The following APOLD1 variants were observed in gnomAD, a reference collection of about 807,000 sequenced individuals.
APOLD1 encodes the protein apolipoprotein L domain-containing protein 1.
Under a neutral mutation model 15.3 loss-of-function variants are expected in APOLD1, and 22 were observed. That is an observed-to-expected ratio of 1.44 (90% CI 1.03 to 2.05). The LOEUF is 2.05. Among genes scored for constraint, APOLD1 ranks in the 30% most tolerant of loss-of-function variants. APOLD1 has a pLI of 0.00. For synonymous variants in APOLD1, 190 were observed against 167.4 expected, an observed-to-expected ratio of 1.13 and a Z score of -1.04; for missense variants, 394 against 353.5, an observed-to-expected ratio of 1.11 and a Z score of -0.92.
chr12:12,726,009 C>A, exon 1 of APOLD1: 7 of 1,518,302 alleles, frequency 4.6e-6, no homozygotes, highest in Non-Finnish European at 6.2e-6. Context: ...GGATGTTCCG[C>A]GCGCCGTGTC....
chr12:12,766,146 T>C (rs1592302830), intron 1 of APOLD1, among the ~76,000 whole-genome samples: 1 of 152,224 alleles, frequency 6.6e-6, no homozygotes, highest in African/African-American at 2.4e-5. Context: ...GGGAATATAA[T>C]GGGAATAATA....
chr12:12,771,175 AG>A (rs368402477), intron 1 of APOLD1, among the ~76,000 whole-genome samples: 62 of 152,356 alleles, frequency 4.1e-4, no homozygotes, highest in African/African-American at 1.4e-3. Context: ...CATCCGAGTC[AG>A]TGAAGATAAA....
chr12:12,786,466 C>G (rs1403416137), intron 1 of APOLD1, among the ~76,000 whole-genome samples: 2 of 152,056 alleles, frequency 1.3e-5, no homozygotes, highest in Non-Finnish European at 1.5e-5. Context: ...TGTTGCAAAA[C>G]TCCTAGGATC....
intron 1 of APOLD1, among the ~76,000 whole-genome samples, chr12:12,775,771 G>A (rs1469735473): frequency 2.0e-5 from 3 of 152,098 alleles, no homozygotes; most frequent in Non-Finnish European, 4.4e-5. Flanking sequence ...AGACCAAGGC[G>A]AGAGGATTGC....
chr12:12,726,695 T>C (rs1426098918), intron 1 of APOLD1, among the ~76,000 whole-genome samples: 1 of 152,238 alleles, frequency 6.6e-6, no homozygotes, highest in Non-Finnish European at 1.5e-5. Flanking sequence ...TGACATTTTT[T>C]AGTTCTTAAC....
At chr12:12,781,656 T>C (rs1481850690), upstream of APOLD1, among the ~76,000 whole-genome samples, 1 of 149,292 alleles carries the variant, frequency 6.7e-6, no homozygotes, top group African/African-American at 2.5e-5. Flanking sequence ...GCCTCCCGAA[T>C]AGCTGGGACT....
chr12:12,748,355 G>A (rs1488629511), intron 1 of APOLD1, among the ~76,000 whole-genome samples: 1 of 152,088 alleles, frequency 6.6e-6, no homozygotes, highest in African/African-American at 2.4e-5. Context: ...AAGGTGGAGG[G>A]GCTAAGTTTG....
At chr12:12,783,137 C>T (rs1208399904), upstream of APOLD1, among the ~76,000 whole-genome samples, 6 of 152,052 alleles carry the variant, frequency 3.9e-5, no homozygotes, top group Non-Finnish European at 7.4e-5. Flanking sequence ...ATCTGGGAGG[C>T]GGAGATTGCA....
At chr12:12,758,503 C>T (rs1047846594) in intron 1 of APOLD1, among the ~76,000 whole-genome samples, 2 of 152,052 alleles carry the variant, frequency 1.3e-5, no homozygotes, top group African/African-American at 2.4e-5. Context: ...CAAGATTGCA[C>T]CACTGCACTC....
intron 1 of APOLD1, among the ~76,000 whole-genome samples, chr12:12,748,716 A>G (rs80292595): frequency 0.028 from 4,248 of 152,260 alleles, 88 homozygotes; most frequent in Middle Eastern, 0.12. Context: ...TGGCACAGGA[A>G]AAAAATGTTT....
intron 1 of APOLD1, among the ~76,000 whole-genome samples, chr12:12,769,192 C>T (rs1426704015): frequency 7.2e-6 from 1 of 139,024 alleles, no homozygotes. Context: ...TATACCACTG[C>T]ACTACAGCCT....
chr12:12,733,728 G>A (rs1036301210), intron 1 of APOLD1, among the ~76,000 whole-genome samples: 3 of 152,156 alleles, frequency 2.0e-5, no homozygotes, highest in African/African-American at 7.2e-5. Context: ...TCAGCCTCCT[G>A]AGTAGCTGGG....
At position 12,737,439 on chromosome 12, in the gene APOLD1, C is replaced by A. The variant is rs1330717346; in HGVS notation, c.96+11343C>A. On this transcript the variant is annotated intron_variant, in intron 1 of 1. Transcript: ENST00000326765. The stretch of plus-strand genomic sequence containing the variant: ...GTTCATTGAAGTGAGGTATAATTCC[C>A]AGTCCAATCACCACTGTTTCTGTTT... Among the ~76,000 whole-genome samples, 7 of 152,162 alleles carry A rather than the reference C, an allele frequency of 4.6e-5. No individual in the cohort carries two copies. The South Asian group carries it at 6.2e-4, about 14-fold the overall frequency.
rs745785485 is a variant in APOLD1 at position 12,726,156 on chromosome 12, CAAAAAAA to C, written c.96+78_96+84del. 2,486 of 113,544 alleles carry C rather than the reference CAAAAAAA, an allele frequency of 0.022. 32 individuals are homozygous for C. In the East Asian group the frequency reaches 0.23, roughly 10 times the overall value. 7.0% of individuals were successfully genotyped at this position (113,544 alleles called of 1,614,324 possible). ...CCGGAAAAGAACACCTCTTCGCAACCAAAAAAAAAAAAAAAAAAAAAAAAGAGGAAAT... is the reference window on the plus strand; with the variant it reads ...CCGGAAAAGAACACCTCTTCGCAACCAAAAAAAAAAAAAAAAAGAGGAAAT... On this transcript the variant is annotated intron_variant, in intron 1 of 1. Transcript: ENST00000326765.
chr12:12,746,736 G>A (rs1458205123), intron 1 of APOLD1, among the ~76,000 whole-genome samples: 1 of 152,004 alleles, frequency 6.6e-6, no homozygotes, highest in Non-Finnish European at 1.5e-5. Flanking sequence ...TGATCCTATT[G>A]CCCAAGTAGT....
intron 1 of APOLD1, among the ~76,000 whole-genome samples, chr12:12,770,388 GA>G (rs1286766949): frequency 2.0e-5 from 3 of 152,178 alleles, no homozygotes; most frequent in African/African-American, 7.2e-5. Context: ...CTGGGTGACA[GA>G]GCGAGACTTC....
At chr12:12,729,524 T>G (rs1946620385) in intron 1 of APOLD1, among the ~76,000 whole-genome samples, 1 of 151,932 alleles carries the variant, frequency 6.6e-6, no homozygotes, top group Non-Finnish European at 1.5e-5. Context: ...TCTCCAAAAG[T>G]GTTGAGATTA....
chr12:12,752,301 T>C (rs1164604113), intron 1 of APOLD1, among the ~76,000 whole-genome samples: 3 of 152,158 alleles, frequency 2.0e-5, no homozygotes, highest in African/African-American at 7.2e-5. Context: ...AAAGCACAAG[T>C]TCTACTTCTT....
At position 12,750,742 on chromosome 12, in the gene APOLD1, G is replaced by C. The variant is rs1946806937; in HGVS notation, c.96+24646G>C. Among the ~76,000 whole-genome samples the C allele has an allele frequency of 4.6e-5, 7 of 152,088 alleles. No individual in the cohort carries two copies. In the South Asian group the frequency reaches 1.5e-3, roughly 32 times the overall value. On this transcript the variant is annotated intron_variant, in intron 1 of 1. Coordinates refer to the APOLD1 transcript ENST00000326765. Reference sequence around the variant, plus strand: ...TAAAAATTAGTAATAGAAAAATGGAGTTAAGCCTTGGATACAGAATGTCAC... The same window carrying C: ...TAAAAATTAGTAATAGAAAAATGGACTTAAGCCTTGGATACAGAATGTCAC...
Sources: allele counts gnomAD v4.1 joint callset (sites outside exome capture counted in the v4.1 genomes callset), GRCh38; gene constraint gnomAD v4.1.1; transcripts MANE v1.5; gene names NCBI Gene and HGNC (gene_info 2026-07-23, HGNC 2026-07-21).